UST: variants seen among roughly 807,000 people sequenced by gnomAD.
UST encodes uronyl 2-sulfotransferase.
A neutral mutation model predicts 45.6 loss-of-function variants in UST; 21 were observed. The observed-to-expected ratio is 0.46, with a 90% CI of 0.33 to 0.66. UST has a LOEUF of 0.66. Among genes scored for constraint, UST ranks in the 30% least tolerant of loss-of-function variants. UST has a pLI of 0.02. For synonymous variants in UST, 215 were observed against 200.6 expected (o/e 1.07, Z -0.61); for missense variants, 463 against 512.4 (o/e 0.90, Z 0.93).
intron 1 of UST, among the ~76,000 whole-genome samples, chr6:148,871,869 G>A (rs996322989): frequency 6.6e-6 from 1 of 152,210 alleles, no homozygotes; most frequent in Non-Finnish European, 1.5e-5. Context: ...CAGGTAGTAA[G>A]GTTGTCATGC....
At chr6:148,787,194 G>C (rs1776749012) in intron 1 of UST, among the ~76,000 whole-genome samples, 1 of 152,104 alleles carries the variant, frequency 6.6e-6, no homozygotes, top group Non-Finnish European at 1.5e-5. Flanking sequence ...CTGTGCAGAA[G>C]CTCTTTAGTT....
intron 1 of UST, among the ~76,000 whole-genome samples, chr6:148,812,904 A>G (rs1777286193): frequency 6.6e-6 from 1 of 152,216 alleles, no homozygotes; most frequent in East Asian, 1.9e-4. Context: ...ACACATTGCT[A>G]TAAACATCTT....
intron 1 of UST, among the ~76,000 whole-genome samples, chr6:148,844,035 C>G (rs1445357084): frequency 6.6e-6 from 1 of 152,198 alleles, no homozygotes; most frequent in East Asian, 1.9e-4. Context: ...TGGTAAAATA[C>G]TATTTCAAGG....
At chr6:149,068,653 A>T (rs1285928565) in intron 7 of UST, among the ~76,000 whole-genome samples, 1 of 152,042 alleles carries the variant, frequency 6.6e-6, no homozygotes, top group Non-Finnish European at 1.5e-5. Flanking sequence ...TATGTATGAT[A>T]TTTTTTTCCA....
intron 5 of UST, among the ~76,000 whole-genome samples, chr6:148,977,681 G>C (rs1781044627): frequency 6.7e-6 from 1 of 150,068 alleles, no homozygotes; most frequent in African/African-American, 2.5e-5. Flanking sequence ...GAACTCGGGA[G>C]GTGGAGCTTG....
chr6:149,032,362 T>A (rs1344554726), intron 7 of UST, among the ~76,000 whole-genome samples: 1 of 152,070 alleles, frequency 6.6e-6, no homozygotes, highest in Admixed American at 6.6e-5. Flanking sequence ...CCCACTAAGA[T>A]CCCACCACCC....
intron 2 of UST, among the ~76,000 whole-genome samples, chr6:148,930,397 G>A (rs1335192145): frequency 2.0e-5 from 3 of 152,344 alleles, no homozygotes; most frequent in South Asian, 2.1e-4. Context: ...CAGTCATGGA[G>A]TTTAAAATCT....
chr6:148,758,217 A>G (rs542017256), intron 1 of UST, among the ~76,000 whole-genome samples: 1 of 152,328 alleles, frequency 6.6e-6, no homozygotes, highest in East Asian at 1.9e-4. Context: ...CAATTACTTC[A>G]CTAGTATTTG....
chr6:148,950,792 T>C (rs977408277), intron 3 of UST, among the ~76,000 whole-genome samples: 1 of 152,216 alleles, frequency 6.6e-6, no homozygotes, highest in Non-Finnish European at 1.5e-5. Flanking sequence ...ATCTACCTCA[T>C]GGTGGTTATC....
intron 5 of UST, among the ~76,000 whole-genome samples, chr6:149,012,147 T>C (rs117453106): frequency 7.7e-4 from 118 of 152,316 alleles, no homozygotes; most frequent in Non-Finnish European, 1.6e-3. Flanking sequence ...GTATTGAGAA[T>C]TCCGAAGGAC....
chr6:149,039,412 G>A (rs1450990971), intron 7 of UST, among the ~76,000 whole-genome samples: 1 of 152,100 alleles, frequency 6.6e-6, no homozygotes, highest in African/African-American at 2.4e-5. Context: ...TTTTAGGAGA[G>A]ACGGGGTTTC....
At chr6:148,796,519 G>A (rs1776950656) in intron 1 of UST, among the ~76,000 whole-genome samples, 1 of 150,714 alleles carries the variant, frequency 6.6e-6, no homozygotes, top group South Asian at 2.1e-4. Context: ...AGCTACTCAG[G>A]AAGCTGAGGC....
At chr6:149,048,021 AAAG>A (rs1366594598) in intron 7 of UST, among the ~76,000 whole-genome samples, 1 of 152,244 alleles carries the variant, frequency 6.6e-6, no homozygotes, top group Non-Finnish European at 1.5e-5. Context: ...AGATCATTAA[AAAG>A]AAAGAATAAA....
intron 1 of UST, among the ~76,000 whole-genome samples, chr6:148,794,739 T>C (rs1776916013): frequency 6.6e-6 from 1 of 152,188 alleles, no homozygotes; most frequent in Non-Finnish European, 1.5e-5. Flanking sequence ...ACTCAGAACA[T>C]TGGATGATCC....
intron 1 of UST, among the ~76,000 whole-genome samples, chr6:148,772,882 A>T (rs528895039): frequency 6.6e-5 from 10 of 152,362 alleles, no homozygotes; most frequent in Middle Eastern, 6.8e-3. Flanking sequence ...TTCCAATTTT[A>T]CAATAGTTGT....
intron 1 of UST, among the ~76,000 whole-genome samples, chr6:148,846,051 G>A (rs533932499): frequency 6.9e-6 from 1 of 145,570 alleles, no homozygotes; most frequent in East Asian, 2.2e-4. Flanking sequence ...ATTCCTCAGG[G>A]ATCTAGAACT....
chr6:148,909,808 C>T (rs1779439299), intron 2 of UST, among the ~76,000 whole-genome samples: 1 of 151,986 alleles, frequency 6.6e-6, no homozygotes, highest in Non-Finnish European at 1.5e-5. Context: ...AAGCACTGTC[C>T]CCCCCGCCAC....
chr6:149,068,351 G>A (rs1420076387), intron 7 of UST, among the ~76,000 whole-genome samples: 1 of 152,140 alleles, frequency 6.6e-6, no homozygotes, highest in Non-Finnish European at 1.5e-5. Flanking sequence ...TATAGCCTTG[G>A]CCTCAGTTTC....
At chr6:149,003,061 T>A (rs890430440) in intron 5 of UST, among the ~76,000 whole-genome samples, 1 of 152,168 alleles carries the variant, frequency 6.6e-6, no homozygotes, top group African/African-American at 2.4e-5. Context: ...AGATTCCAGT[T>A]TGAATTGTTG....
Sources: gnomAD v4.1 joint callset for allele counts (sites outside exome capture counted in the v4.1 genomes callset) on GRCh38, gnomAD v4.1.1 for gene constraint, MANE v1.5 for transcripts, NCBI Gene and HGNC (gene_info 2026-07-23, HGNC 2026-07-21) for gene names.